EP300: variants seen among roughly 807,000 people sequenced by gnomAD.
EP300 encodes histone acetyltransferase p300.
EP300 carries 31 observed loss-of-function variants against 264.0 expected under a neutral mutation model. That is an observed-to-expected ratio of 0.12 (90% CI 0.09 to 0.16). The LOEUF (loss-of-function observed/expected upper bound fraction) is 0.16, where lower values mean the gene tolerates loss of function less well. EP300 is among the 10% of genes least tolerant of loss of function. EP300 has a pLI of 1.00. For missense variants in EP300, 2,766 were observed against 3,052.9 expected, an observed-to-expected ratio of 0.91 and a Z score of 2.21; for synonymous variants, 1,340 against 1,045.4, an observed-to-expected ratio of 1.28 and a Z score of -5.44.
intron 17 of EP300, among the ~76,000 whole-genome samples, chr22:41,156,051 G>T (rs1352208930): frequency 6.6e-6 from 1 of 151,890 alleles, no homozygotes; most frequent in Non-Finnish European, 1.5e-5. Flanking sequence ...CACTCTTGTT[G>T]CCCAGGCTAG....
chr22:41,164,585 G>A (rs752682993), intron 22 of EP300, among the ~76,000 whole-genome samples: 1 of 152,116 alleles, frequency 6.6e-6, no homozygotes, highest in Non-Finnish European at 1.5e-5. Context: ...GGTGGTGCAC[G>A]CCTGTAATCC....
chr22:41,109,877 G>C (rs2058779276), intron 1 of EP300, among the ~76,000 whole-genome samples: 1 of 151,448 alleles, frequency 6.6e-6, no homozygotes, highest in Admixed American at 6.6e-5. Flanking sequence ...GCAATGGCGT[G>C]ATCTCAGCTA....
At chr22:41,148,890 TCTC>T (rs1368500807) in intron 12 of EP300, 145 bp from the exon 13 acceptor site, 24 of 983,912 alleles carry the variant, frequency 2.4e-5, no homozygotes, top group Non-Finnish European at 3.3e-5. Context: ...CTTTCTTCCT[TCTC>T]CTCTTCAGCC....
In EP300 at chr22:41,136,471, A is replaced by G. The variant is rs193212168; in HGVS notation, c.1622+565A>G. On this transcript the variant is annotated intron_variant, in intron 7 of 30. Coordinates refer to ENST00000263253, the MANE Select transcript of EP300 (RefSeq NM_001429.4). ...TAAGAATTAGTCCACCAGCCTGGGC[A>G]ATATGTCAAGACGTCTTCTCTACAA... Among the ~76,000 whole-genome samples the G allele has an allele frequency of 4.1e-4, 63 of 152,314 alleles. 1 individual carries two copies. Among genetic ancestry groups the G allele is most frequent in the Admixed American group, 3.3e-4 (5 of 15,302 alleles).
At chr22:41,168,674 G>A (rs1222643166) in intron 24 of EP300, 47 bp from the exon 25 acceptor site, 4 of 1,614,226 alleles carry the variant, frequency 2.5e-6, no homozygotes, top group Non-Finnish European at 3.4e-6. Context: ...GGTGATTCCA[G>A]TCTGAATGAG....
chr22:41,134,366 C>CGT (rs149672980), intron 6 of EP300, among the ~76,000 whole-genome samples: 171 of 150,894 alleles, frequency 1.1e-3, no homozygotes, highest in African/African-American at 3.1e-3. Flanking sequence ...TGGAAACGTA[C>CGT]GTGTGTGTGT....
intron 6 of EP300, among the ~76,000 whole-genome samples, chr22:41,135,540 G>T (rs2058945712): frequency 6.6e-6 from 1 of 151,394 alleles, no homozygotes; most frequent in Non-Finnish European, 1.5e-5. Flanking sequence ...TTACAGGCGT[G>T]AGCCTCTGCG....
At chr22:41,106,659 A>G (rs2058759588) in intron 1 of EP300, among the ~76,000 whole-genome samples, 1 of 152,220 alleles carries the variant, frequency 6.6e-6, no homozygotes, top group Non-Finnish European at 1.5e-5. Flanking sequence ...ACTGTCGTCC[A>G]GGCTGTAGTG....
intron 2 of EP300, among the ~76,000 whole-genome samples, chr22:41,125,176 C>T (rs1349725453): frequency 2.9e-5 from 4 of 139,866 alleles, no homozygotes; most frequent in Non-Finnish European, 4.5e-5. Flanking sequence ...TGGAGTGCAG[C>T]GGCGTGATCT....
At chr22:41,149,502 G>A (rs551654168) in intron 13 of EP300, among the ~76,000 whole-genome samples, 25 of 152,258 alleles carry the variant, frequency 1.6e-4, no homozygotes, top group Non-Finnish European at 3.2e-4. Flanking sequence ...AGAGCACTCT[G>A]CACTCAATTC....
chr22:41,121,867 C>G (rs1242873551), intron 2 of EP300, among the ~76,000 whole-genome samples: 6 of 152,076 alleles, frequency 3.9e-5, no homozygotes, highest in African/African-American at 1.4e-4. Context: ...GTTTGTCATG[C>G]GGGTTCTGTG....
chr22:41,164,210 C>T, intron 22 of EP300, 80 bp downstream of exon 22: 6 of 1,226,892 alleles, frequency 4.9e-6, no homozygotes, highest in Non-Finnish European at 6.0e-6. Flanking sequence ...ATGCAATTGA[C>T]TGTATTATAT....
intron 2 of EP300, among the ~76,000 whole-genome samples, chr22:41,120,067 G>A (rs1204893786): frequency 6.6e-6 from 1 of 152,060 alleles, no homozygotes; most frequent in Non-Finnish European, 1.5e-5. Flanking sequence ...GCCCACCTCG[G>A]CCTCCCAAAG....
intron 13 of EP300, 149 bp downstream of exon 13, chr22:41,149,324 C>T (rs2059029724): frequency 2.3e-6 from 2 of 867,730 alleles, no homozygotes; most frequent in Non-Finnish European, 3.7e-6. Context: ...GTATTCTGAA[C>T]ATGAAGAGAT....
At chr22:41,104,591 C>T (rs1021847888) in intron 1 of EP300, among the ~76,000 whole-genome samples, 8 of 152,064 alleles carry the variant, frequency 5.3e-5, no homozygotes, top group Non-Finnish European at 1.0e-4. Context: ...TGTCCGGCCT[C>T]ATGTAGTTAT....
chr22:41,098,394 C>G (rs778341504), intron 1 of EP300, among the ~76,000 whole-genome samples: 1 of 152,070 alleles, frequency 6.6e-6, no homozygotes, highest in Non-Finnish European at 1.5e-5. Flanking sequence ...TTTTTTGAGA[C>G]GGAGTCTCGC....
intron 1 of EP300, among the ~76,000 whole-genome samples, chr22:41,109,381 T>C (rs1292708155): frequency 1.3e-5 from 2 of 152,172 alleles, no homozygotes; most frequent in East Asian, 1.9e-4. Flanking sequence ...TTACTAAAGC[T>C]GATTACTGCT....
At chr22:41,126,433 T>G in intron 3 of EP300, 1 of 178,710 alleles carries the variant, frequency 5.6e-6, no homozygotes, top group Non-Finnish European at 1.2e-5. Flanking sequence ...TATTTGATTC[T>G]ACTACACCCA....
chr22:41,093,402 A>G (rs974202488), intron 1 of EP300, among the ~76,000 whole-genome samples: 11 of 152,308 alleles, frequency 7.2e-5, no homozygotes, highest in South Asian at 4.1e-4. Context: ...GGAAATGCCA[A>G]TGCATTTGTG....
Sources: allele counts gnomAD v4.1 joint callset (sites outside exome capture counted in the v4.1 genomes callset), GRCh38; gene constraint gnomAD v4.1.1; transcripts MANE v1.5; gene names NCBI Gene and HGNC (gene_info 2026-07-23, HGNC 2026-07-21).